CERS3: variants seen among roughly 807,000 people sequenced by gnomAD.
CERS3 encodes LAG1 homolog, ceramide synthase 3.
In CERS3, 33 loss-of-function variants were observed where a neutral mutation model predicts 50.3. The observed-to-expected ratio is 0.66, with a 90% CI of 0.50 to 0.88. CERS3 has a LOEUF of 0.88. Among genes scored for constraint, CERS3 ranks in the 40% least tolerant of loss-of-function variants. The pLI is 0.00. For missense variants in CERS3, 470 were observed against 460.3 expected, an observed-to-expected ratio of 1.02 and a Z score of -0.19; for synonymous variants, 176 against 155.2, an observed-to-expected ratio of 1.13 and a Z score of -0.99.
At chr15:100,402,907 G>A in intron 11 of CERS3, 42 bp from the exon 12 acceptor site, 1 of 1,549,530 alleles carries the variant, frequency 6.5e-7, no homozygotes, top group Non-Finnish European at 8.7e-7. Flanking sequence ...CAATCTTCCA[G>A]GAAGAGTCTT....
At chr15:100,443,387 C>T (rs1445407028) in intron 11 of CERS3, among the ~76,000 whole-genome samples, 2 of 149,680 alleles carry the variant, frequency 1.3e-5, no homozygotes, top group Non-Finnish European at 3.0e-5. Context: ...CCCCATTTCA[C>T]TTGTCCTAAA....
intron 8 of CERS3, among the ~76,000 whole-genome samples, chr15:100,475,393 C>G (rs1228619654): frequency 6.6e-6 from 1 of 152,126 alleles, no homozygotes; most frequent in African/African-American, 2.4e-5. Flanking sequence ...TACAAACCAG[C>G]CTTTTATTTA....
At chr15:100,459,165 C>T (rs1408205236) in intron 10 of CERS3, among the ~76,000 whole-genome samples, 1 of 152,230 alleles carries the variant, frequency 6.6e-6, no homozygotes, top group Non-Finnish European at 1.5e-5. Context: ...TACTATGTAT[C>T]ACCATATATA....
chr15:100,498,356 G>A (rs1194626803), intron 3 of CERS3, among the ~76,000 whole-genome samples: 4 of 152,112 alleles, frequency 2.6e-5, no homozygotes, highest in African/African-American at 9.7e-5. Context: ...AAGGAGAGAA[G>A]AAAGAAGCAC....
rs535128390 is a variant in CERS3, at chr15:100,534,212, A to G, written c.-354-5137T>C. ...GGACAGGACTCAACTTGCCTCCTCC[A>G]GAAAATGTTCATTGCTAACCCTCAA... is the stretch of plus-strand genomic sequence containing the variant. On this transcript the variant is annotated intron_variant, in intron 1 of 12. Transcript: ENST00000284382. Among the ~76,000 whole-genome samples, 259 of 152,290 alleles carry G rather than the reference A, an allele frequency of 1.7e-3. 1 individual carries two copies. The highest frequency in any genetic ancestry group is 3.0e-3 in the Non-Finnish European group (204 of 68,026).
chr15:100,424,279 A>G (rs2142099647), intron 11 of CERS3, among the ~76,000 whole-genome samples: 1 of 152,308 alleles, frequency 6.6e-6, no homozygotes, highest in East Asian at 1.9e-4. Context: ...TGACTAATAC[A>G]GAAACTTGGT....
At chr15:100,437,303 AT>A (rs768179993) in intron 11 of CERS3, among the ~76,000 whole-genome samples, 1 of 152,280 alleles carries the variant, frequency 6.6e-6, no homozygotes. Flanking sequence ...TGATATTTTT[AT>A]AAATTATTGT....
intron 11 of CERS3, among the ~76,000 whole-genome samples, chr15:100,430,364 CA>C (rs1170656542): frequency 6.6e-6 from 1 of 151,800 alleles, no homozygotes; most frequent in Admixed American, 6.6e-5. Flanking sequence ...AAAAACTTGA[CA>C]ATGAGAAAAA....
chr15:100,502,869 G>A (rs1318549925), intron 2 of CERS3, among the ~76,000 whole-genome samples: 1 of 151,922 alleles, frequency 6.6e-6, no homozygotes, highest in African/African-American at 2.4e-5. Context: ...AGCCCAACCA[G>A]GAAATATCAG....
chr15:100,441,965 A>G (rs911594068), intron 11 of CERS3, among the ~76,000 whole-genome samples: 3 of 151,744 alleles, frequency 2.0e-5, no homozygotes, highest in Non-Finnish European at 4.4e-5. Context: ...CTAGGTCCCA[A>G]TTCTTCCTCA....
chr15:100,419,191 C>G (rs2142083082), intron 11 of CERS3, among the ~76,000 whole-genome samples: 1 of 135,086 alleles, frequency 7.4e-6, no homozygotes, highest in Non-Finnish European at 1.6e-5. Context: ...AAACCCATCT[C>G]ACGTGCAGAG....
intron 5 of CERS3, among the ~76,000 whole-genome samples, chr15:100,481,644 C>T (rs993202469): frequency 6.6e-6 from 1 of 152,234 alleles, no homozygotes; most frequent in South Asian, 2.1e-4. Flanking sequence ...ATTATGAAGC[C>T]GATGCTGTAA....
intron 11 of CERS3, among the ~76,000 whole-genome samples, chr15:100,409,103 G>A (rs865958400): frequency 6.6e-6 from 1 of 152,172 alleles, no homozygotes; most frequent in Non-Finnish European, 1.5e-5. Context: ...GTCTATATGA[G>A]GTTGGCTCTT....
chr15:100,405,947 A>G (rs1020635648), intron 11 of CERS3, among the ~76,000 whole-genome samples: 15 of 152,366 alleles, frequency 9.8e-5, no homozygotes, highest in African/African-American at 3.4e-4. Flanking sequence ...GGATATTTTT[A>G]TTACTTGTAA....
At chr15:100,413,020 T>A (rs1008044813) in intron 11 of CERS3, among the ~76,000 whole-genome samples, 9 of 152,260 alleles carry the variant, frequency 5.9e-5, no homozygotes, top group Middle Eastern at 3.4e-3. Flanking sequence ...TGCATAGATT[T>A]TTTTCATACT....
chr15:100,407,873 ATTAT>A, intron 11 of CERS3, among the ~76,000 whole-genome samples: 1 of 152,204 alleles, frequency 6.6e-6, no homozygotes, highest in South Asian at 2.1e-4. Flanking sequence ...ATTTTTAAAA[ATTAT>A]TTATTTATTT....
intron 5 of CERS3, among the ~76,000 whole-genome samples, chr15:100,483,787 A>ATTATTATTATTATTATT (rs760594142): frequency 2.0e-5 from 2 of 100,026 alleles, no homozygotes; most frequent in African/African-American, 7.7e-5. Context: ...TATTATTATT[A>ATTATTATTATTATTATT]TTTTTTTTTT....
intron 2 of CERS3, among the ~76,000 whole-genome samples, chr15:100,514,038 T>C (rs1019364665): frequency 3.3e-5 from 5 of 152,182 alleles, no homozygotes; most frequent in Non-Finnish European, 5.9e-5. Context: ...CACATGGACT[T>C]TGGAGCCAGG....
At chr15:100,461,191 T>G (rs2034538936) in intron 10 of CERS3, among the ~76,000 whole-genome samples, 1 of 152,196 alleles carries the variant, frequency 6.6e-6, no homozygotes, top group South Asian at 2.1e-4. Flanking sequence ...CACTAATTTC[T>G]TGGCTCGAAA....
Sources: gnomAD v4.1 joint callset for allele counts (sites outside exome capture counted in the v4.1 genomes callset) on GRCh38, gnomAD v4.1.1 for gene constraint, MANE v1.5 for transcripts, NCBI Gene and HGNC (gene_info 2026-07-23, HGNC 2026-07-21) for gene names.